LRRC69: variants seen among roughly 807,000 people sequenced by gnomAD.
The protein encoded by LRRC69 is leucine rich repeat containing 69.
A neutral mutation model predicts 37.8 loss-of-function variants in LRRC69; 42 were observed. The ratio of observed to expected loss-of-function variants is 1.11; its 90% confidence interval spans 0.87 to 1.44. The LOEUF is 1.44. Ranked by LOEUF, LRRC69 falls within the 40% of genes most tolerant of loss-of-function variation. The pLI is 0.00. For missense variants in LRRC69, 357 were observed against 401.9 expected (o/e 0.89, Z 0.96); for synonymous variants, 141 against 143.1 (o/e 0.99, Z 0.11).
intron 1 of LRRC69, among the ~76,000 whole-genome samples, chr8:91,104,219 T>C (rs1367751959): frequency 1.3e-5 from 2 of 151,996 alleles, no homozygotes; most frequent in South Asian, 2.1e-4. Flanking sequence ...CAGTCTCTTT[T>C]GACTCCCCAC....
intron 5 of LRRC69, among the ~76,000 whole-genome samples, chr8:91,178,925 C>T (rs1809279842): frequency 6.6e-6 from 1 of 151,994 alleles, no homozygotes; most frequent in South Asian, 2.1e-4. Context: ...TTTTTCTTCT[C>T]CTGTATGATT....
In LRRC69 at chr8:91,138,115, T is replaced by C. The variant is rs1463746337; in HGVS notation, c.651+2376T>C. 2.6e-5 allele frequency among the ~76,000 whole-genome samples: 4 copies of C among 152,106 alleles called. No individual in the cohort carries two copies. The East Asian group carries it at 7.7e-4, about 29-fold the overall frequency. On this transcript the variant is annotated intron_variant, in intron 5 of 7. Coordinates refer to ENST00000448384, the Ensembl canonical transcript of LRRC69. ...CTCATAAGGTTGTTATGTCAAATAG[T>C]GATTATGAAGCATTTTGTGCATAGT...
chr8:91,186,628 G>C (rs750268545), intron 5 of LRRC69, among the ~76,000 whole-genome samples: 1 of 152,184 alleles, frequency 6.6e-6, no homozygotes, highest in Non-Finnish European at 1.5e-5. Flanking sequence ...GCTTTGAAAG[G>C]TTCTAAGCAA....
intron 5 of LRRC69, among the ~76,000 whole-genome samples, chr8:91,162,527 A>T (rs1808963201): frequency 6.6e-6 from 1 of 150,936 alleles, no homozygotes; most frequent in Non-Finnish European, 1.5e-5. Context: ...TCCTTTTTAT[A>T]TTTTTTGACT....
At chr8:91,142,514 A>G (rs1808547535) in intron 5 of LRRC69, among the ~76,000 whole-genome samples, 2 of 152,064 alleles carry the variant, frequency 1.3e-5, no homozygotes, top group Admixed American at 1.3e-4. Context: ...TTGAGGCTCC[A>G]GAGTAGTTTG....
At chr8:91,115,780 A>C (rs1388868559) in intron 1 of LRRC69, among the ~76,000 whole-genome samples, 1 of 151,712 alleles carries the variant, frequency 6.6e-6, no homozygotes, top group Non-Finnish European at 1.5e-5. Context: ...TGTGGCTCCT[A>C]ACTATGGTTA....
chr8:91,205,406 C>T (rs1022774538), intron 7 of LRRC69: 3 of 152,256 alleles, frequency 2.0e-5, no homozygotes, highest in Admixed American at 2.0e-4. Context: ...CAGGAACAGT[C>T]ATCAGAGTTC....
rs573397375 is a variant in LRRC69, at chr8:91,205,215, A to G, written c.933+4423A>G. 4.3e-4 allele frequency among the ~76,000 whole-genome samples: 65 copies of G among 152,326 alleles called. 1 individual carries two copies. The South Asian group carries it at 0.013, about 31-fold the overall frequency. On this transcript the variant is annotated intron_variant, in intron 7 of 7. Transcript: ENST00000448384. ...CATACCAAGTAGAGAGATTTTATCA[A>G]GAGTTACAGTGGATAACACAATATA... is the stretch of plus-strand genomic sequence containing the variant.
intron 1 of LRRC69, among the ~76,000 whole-genome samples, chr8:91,105,819 C>G (rs1182709660): frequency 6.6e-6 from 1 of 151,958 alleles, no homozygotes; most frequent in African/African-American, 2.4e-5. Flanking sequence ...TCAATTTCTG[C>G]CTTCATTTAT....
chr8:91,118,796 AAT>A (rs1355995195), intron 1 of LRRC69, among the ~76,000 whole-genome samples: 1 of 152,100 alleles, frequency 6.6e-6, no homozygotes, highest in African/African-American at 2.4e-5. Context: ...AACCGTAGAG[AAT>A]GTTACTAATG....
At chr8:91,184,162 C>G (rs1397905922) in intron 5 of LRRC69, among the ~76,000 whole-genome samples, 6 of 151,974 alleles carry the variant, frequency 3.9e-5, no homozygotes, top group Non-Finnish European at 7.4e-5. Flanking sequence ...GCCTGTAGTC[C>G]CAGCTACTTG....
intron 5 of LRRC69, among the ~76,000 whole-genome samples, chr8:91,142,743 G>C (rs865894043): frequency 5.3e-5 from 8 of 151,956 alleles, no homozygotes; most frequent in African/African-American, 1.9e-4. Flanking sequence ...AGTGGCAGAG[G>C]TTGAACTTGC....
chr8:91,108,727 G>GTTAT (rs201204889), intron 1 of LRRC69, among the ~76,000 whole-genome samples: 1 of 151,940 alleles, frequency 6.6e-6, no homozygotes. Flanking sequence ...AGATGTTTTT[G>GTTAT]TTATTTATTT....
rs371694156 is a variant in LRRC69, at chr8:91,211,117, A to C, written c.934-7773A>C. On this transcript the variant is annotated intron_variant, in intron 7 of 7. Coordinates refer to ENST00000448384, the Ensembl canonical transcript of LRRC69. ...ATTTTCAAAGCACTAAGGGAAAATAACTCAAAATGTAGACTTATATGTGTA... is the reference window on the plus strand; with the variant it reads ...ATTTTCAAAGCACTAAGGGAAAATACCTCAAAATGTAGACTTATATGTGTA... Among the ~76,000 whole-genome samples the C allele has an allele frequency of 5.9e-5, 9 of 152,288 alleles. No homozygotes were observed. The South Asian group carries it at 1.0e-3, about 18-fold the overall frequency.
chr8:91,124,795 T>C (rs1253469742), intron 2 of LRRC69, 176 bp downstream of exon 2: 9 of 500,050 alleles, frequency 1.8e-5, no homozygotes, highest in Non-Finnish European at 3.1e-5. Context: ...TATTGTATCA[T>C]ATGTTTATTT....
chr8:91,201,027 A>T (rs1180403462), intron 7 of LRRC69, among the ~76,000 whole-genome samples: 1 of 152,336 alleles, frequency 6.6e-6, no homozygotes, highest in East Asian at 1.9e-4. Flanking sequence ...GCAAAATTTC[A>T]TGAAAGTTGA....
In LRRC69 at chr8:91,189,624, G is replaced by T; in HGVS notation, c.753+1G>T. On this transcript the variant is annotated splice_donor_variant, in intron 6 of 7. Coordinates refer to ENST00000448384, the Ensembl canonical transcript of LRRC69. LOFTEE classifies it high-confidence loss of function. ...GCAGGAGAACGTCTGGAGTCTACAG[G>T]TGAAGACTTACCTCATTAACTTAAG... The T allele has an allele frequency of 2.0e-6, 3 of 1,530,682 alleles. No homozygotes were observed. The highest frequency in any genetic ancestry group is 2.7e-6 in the Non-Finnish European group (3 of 1,131,394). 94.8% of individuals were successfully genotyped at this position (1,530,682 alleles called of 1,614,324 possible).
At position 91,191,211 on chromosome 8, in the gene LRRC69, C is replaced by A. The variant is rs377144386; in HGVS notation, c.753+1588C>A. ...TTTATTTTTTTCAGATTCCCTTTCA[C>A]AGAATATTTTCACAAACAGCATTAT... On this transcript the variant is annotated intron_variant, in intron 6 of 7. Coordinates refer to ENST00000448384, the Ensembl canonical transcript of LRRC69. Among the ~76,000 whole-genome samples the A allele has an allele frequency of 1.1e-4, 17 of 152,188 alleles. No individual in the cohort carries two copies. The East Asian group carries it at 2.9e-3, about 26-fold the overall frequency.
chr8:91,164,210 A>G (rs1808991715), intron 5 of LRRC69, among the ~76,000 whole-genome samples: 1 of 151,628 alleles, frequency 6.6e-6, no homozygotes, highest in South Asian at 2.1e-4. Context: ...GGGATTGTGG[A>G]GAAGGTATTG....
Sources: allele counts gnomAD v4.1 joint callset (sites outside exome capture counted in the v4.1 genomes callset), GRCh38; gene constraint gnomAD v4.1.1; transcripts MANE v1.5; gene names NCBI Gene and HGNC (gene_info 2026-07-23, HGNC 2026-07-21).